Variants in UNC5D observed in about 807,000 individuals in gnomAD.
UNC5D encodes unc-5 netrin receptor D, also known as netrin receptor UNC5D.
A neutral mutation model predicts 105.4 loss-of-function variants in UNC5D; 39 were observed. The ratio of observed to expected loss-of-function variants is 0.37; its 90% confidence interval spans 0.29 to 0.48. The LOEUF is 0.48. UNC5D is among the 20% of genes least tolerant of loss of function. The pLI is 0.98. For synonymous variants in UNC5D, 452 were observed against 450.4 expected (o/e 1.00, Z -0.04); for missense variants, 991 against 1,202.4 (o/e 0.82, Z 2.60).
intron 14 of UNC5D, among the ~76,000 whole-genome samples, chr8:35,766,015 A>G (rs1801750403): frequency 6.6e-6 from 1 of 152,146 alleles, no homozygotes; most frequent in African/African-American, 2.4e-5. Flanking sequence ...TCGGTGACTA[A>G]CTTCTACTTC....
At position 35,693,042 on chromosome 8, in the gene UNC5D, A is replaced by C. The variant is rs559468969; in HGVS notation, c.1084+6333A>C. On this transcript the variant is annotated intron_variant, in intron 7 of 16. Transcript: ENST00000404895. Reference sequence around the variant, plus strand: ...GCAACCATCTCTCCCCCATGCCCCAAATAAATGCTTTCCCATTATGGGACC... The same window carrying C: ...GCAACCATCTCTCCCCCATGCCCCACATAAATGCTTTCCCATTATGGGACC... 2.0e-5 allele frequency among the ~76,000 whole-genome samples: 3 copies of C among 152,308 alleles called. No homozygotes were observed. In the East Asian group the frequency reaches 5.8e-4, roughly 29 times the overall value.
intron 1 of UNC5D, among the ~76,000 whole-genome samples, chr8:35,413,068 T>C (rs1225028105): frequency 6.6e-6 from 1 of 152,110 alleles, no homozygotes; most frequent in Non-Finnish European, 1.5e-5. Flanking sequence ...AAATGCGCTA[T>C]GTAGTGGATT....
intron 1 of UNC5D, among the ~76,000 whole-genome samples, chr8:35,342,589 A>G (rs1811528578): frequency 6.6e-6 from 1 of 151,946 alleles, no homozygotes; most frequent in Non-Finnish European, 1.5e-5. Context: ...AATACTCAAG[A>G]CCTCTAGAGT....
intron 1 of UNC5D, among the ~76,000 whole-genome samples, chr8:35,282,677 C>G (rs1291522163): frequency 7.6e-6 from 1 of 131,790 alleles, no homozygotes; most frequent in African/African-American, 2.8e-5. Flanking sequence ...CTAAACTGAA[C>G]TTATTTTGCT....
At chr8:35,668,002 G>A (rs1824540426) in intron 4 of UNC5D, among the ~76,000 whole-genome samples, 1 of 152,034 alleles carries the variant, frequency 6.6e-6, no homozygotes, top group Non-Finnish European at 1.5e-5. Context: ...AACATTTTCA[G>A]TTTTGATAAA....
At chr8:35,367,208 A>G (rs1029191325) in intron 1 of UNC5D, among the ~76,000 whole-genome samples, 1 of 152,140 alleles carries the variant, frequency 6.6e-6, no homozygotes, top group African/African-American at 2.4e-5. Flanking sequence ...ATCATCTAGA[A>G]CTAGTGCATG....
At chr8:35,578,288 G>A (rs2018025) in intron 3 of UNC5D, among the ~76,000 whole-genome samples, 68,937 of 141,840 alleles carry the variant, frequency 0.49, 20,021 homozygotes, top group African/African-American at 0.83. Context: ...AAAAGAAAGA[G>A]AAAAGAAAAA....
chr8:35,650,114 TACAAAAAACAA>T (rs1324358184), intron 4 of UNC5D, among the ~76,000 whole-genome samples: 1 of 151,750 alleles, frequency 6.6e-6, no homozygotes, highest in African/African-American at 2.4e-5. Flanking sequence ...GTATTGAAAC[TACAAAAAACAA>T]ACAAAAAACA....
At chr8:35,609,198 T>C (rs1820522305) in intron 4 of UNC5D, among the ~76,000 whole-genome samples, 1 of 152,202 alleles carries the variant, frequency 6.6e-6, no homozygotes, top group Non-Finnish European at 1.5e-5. Flanking sequence ...TGGCCATTTG[T>C]ATGTCTTCTT....
intron 1 of UNC5D, among the ~76,000 whole-genome samples, chr8:35,364,784 C>T (rs1180132331): frequency 1.3e-5 from 2 of 152,128 alleles, no homozygotes; most frequent in Admixed American, 1.3e-4. Flanking sequence ...TTCACTATTT[C>T]TTTATTTCTA....
At chr8:35,607,587 G>T (rs1055579016) in intron 4 of UNC5D, among the ~76,000 whole-genome samples, 2 of 152,148 alleles carry the variant, frequency 1.3e-5, no homozygotes, top group Non-Finnish European at 2.9e-5. Context: ...GAGACCAGGT[G>T]GAGATCATTG....
chr8:35,443,743 G>C (rs1171559480), intron 1 of UNC5D, among the ~76,000 whole-genome samples: 2 of 151,894 alleles, frequency 1.3e-5, no homozygotes, highest in African/African-American at 4.8e-5. Context: ...TTTTATTGAG[G>C]TCTGATCATT....
At chr8:35,427,682 C>G (rs969686558) in intron 1 of UNC5D, among the ~76,000 whole-genome samples, 1 of 152,162 alleles carries the variant, frequency 6.6e-6, no homozygotes, top group Non-Finnish European at 1.5e-5. Context: ...TGATAGGAGT[C>G]TCCTGTAATC....
rs551467681 is a variant in UNC5D at position 35,573,807 on chromosome 8, T to G, written c.466+5566T>G. 2.0e-4 allele frequency among the ~76,000 whole-genome samples: 30 copies of G among 152,320 alleles called. 2 individuals are homozygous for G. The South Asian group carries it at 6.2e-3, about 32-fold the overall frequency. On this transcript the variant is annotated intron_variant, in intron 3 of 16. Coordinates refer to ENST00000404895, the MANE Select transcript of UNC5D (RefSeq NM_080872.4). ...AGTGCCTGTTATCTTAAACTATTGT[T>G]TTTTTCCTTAATAATTTCACACTGT...
intron 1 of UNC5D, among the ~76,000 whole-genome samples, chr8:35,527,039 A>C (rs986499597): frequency 6.6e-6 from 1 of 152,208 alleles, no homozygotes; most frequent in African/African-American, 2.4e-5. Context: ...ACTTAGAGAA[A>C]AGATTTTTTA....
intron 1 of UNC5D, among the ~76,000 whole-genome samples, chr8:35,403,031 A>G (rs140396351): frequency 3.3e-5 from 5 of 152,232 alleles, no homozygotes; most frequent in African/African-American, 1.2e-4. Flanking sequence ...GATGGACACT[A>G]TCAGGTTCTG....
At chr8:35,748,865 C>G (rs760041378) in intron 12 of UNC5D, among the ~76,000 whole-genome samples, 170 bp downstream of exon 12, 4 of 152,072 alleles carry the variant, frequency 2.6e-5, no homozygotes, top group Admixed American at 6.5e-5. Context: ...TTCTTCCCCC[C>G]CCATTATAAT....
intron 1 of UNC5D, among the ~76,000 whole-genome samples, chr8:35,508,294 T>C (rs1812464622): frequency 6.6e-6 from 1 of 152,234 alleles, no homozygotes; most frequent in Non-Finnish European, 1.5e-5. Context: ...TTTAAGTCTA[T>C]GATTGTTTTC....
intron 1 of UNC5D, among the ~76,000 whole-genome samples, chr8:35,372,607 T>A (rs1015619964): frequency 5.3e-5 from 8 of 152,170 alleles, no homozygotes; most frequent in African/African-American, 1.9e-4. Context: ...TTTTATTATT[T>A]TTTTTTCTTT....
Sources: gnomAD v4.1 joint callset for allele counts (sites outside exome capture counted in the v4.1 genomes callset) on GRCh38, gnomAD v4.1.1 for gene constraint, MANE v1.5 for transcripts, NCBI Gene and HGNC (gene_info 2026-07-23, HGNC 2026-07-21) for gene names.